The following MGAT4C variants were observed in gnomAD, a reference collection of about 807,000 sequenced individuals.
The protein encoded by MGAT4C is alpha-1,3-mannosyl-glycoprotein 4-beta-N-acetylglucosaminyltransferase C.
In MGAT4C, 19 loss-of-function variants were observed where a neutral mutation model predicts 40.1. That is an observed-to-expected ratio of 0.47 (90% CI 0.33 to 0.70). The LOEUF (loss-of-function observed/expected upper bound fraction) is 0.70. MGAT4C is among the 30% of genes least tolerant of loss of function. The pLI is 0.02. For synonymous variants in MGAT4C, 181 were observed against 187.1 expected (o/e 0.97, Z 0.27); for missense variants, 491 against 563.2 (o/e 0.87, Z 1.30).
At chr12:86,626,198 A>G (rs1030552906) in intron 2 of MGAT4C, among the ~76,000 whole-genome samples, 4 of 152,018 alleles carry the variant, frequency 2.6e-5, no homozygotes, top group Non-Finnish European at 5.9e-5. Flanking sequence ...TGTGAAGAAG[A>G]TTTTTTTTCT....
intron 4 of MGAT4C, among the ~76,000 whole-genome samples, chr12:86,267,467 A>C (rs879719294): frequency 2.0e-5 from 3 of 152,184 alleles, no homozygotes; most frequent in Admixed American, 6.5e-5. Context: ...AAGTGGCACC[A>C]CTTCAAAATT....
At chr12:86,247,828 T>C (rs1445251844) in intron 1 of MGAT4C, among the ~76,000 whole-genome samples, 1 of 152,086 alleles carries the variant, frequency 6.6e-6, no homozygotes, top group East Asian at 1.9e-4. Context: ...ATCCTGTACG[T>C]AATGGAAGGC....
chr12:86,640,550 C>A (rs1008212212), intron 2 of MGAT4C, among the ~76,000 whole-genome samples: 4 of 151,962 alleles, frequency 2.6e-5, no homozygotes, highest in Admixed American at 6.6e-5. Context: ...TTTCAAAAAA[C>A]CAGCTCCTGG....
intron 1 of MGAT4C, among the ~76,000 whole-genome samples, chr12:86,104,198 G>A (rs538779528): frequency 5.3e-5 from 8 of 151,708 alleles, no homozygotes; most frequent in South Asian, 4.2e-4. Context: ...TGAGGTGGGC[G>A]GATTGCTTGA....
chr12:86,612,480 T>A (rs1468205626), intron 2 of MGAT4C, among the ~76,000 whole-genome samples: 7 of 152,064 alleles, frequency 4.6e-5, no homozygotes, highest in African/African-American at 7.2e-5. Flanking sequence ...CCAGGCGCGG[T>A]GGCTCAAGCC....
At chr12:86,559,689 C>T (rs1344968700) in intron 2 of MGAT4C, among the ~76,000 whole-genome samples, 7 of 151,720 alleles carry the variant, frequency 4.6e-5, no homozygotes, top group African/African-American at 1.7e-4. Flanking sequence ...TAAATGCCTA[C>T]ATCAAAAAGG....
chr12:86,415,348 AG>A (rs1956687558), intron 3 of MGAT4C, among the ~76,000 whole-genome samples: 2 of 152,068 alleles, frequency 1.3e-5, no homozygotes, highest in Admixed American at 1.3e-4. Context: ...ATGGTATGCT[AG>A]ACCCTATGTT....
intron 2 of MGAT4C, among the ~76,000 whole-genome samples, chr12:86,689,397 T>A (rs1950134021): frequency 6.6e-6 from 1 of 152,166 alleles, no homozygotes; most frequent in Non-Finnish European, 1.5e-5. Flanking sequence ...GGCGAAGAGT[T>A]GTGATTCTTT....
chr12:86,835,773 A>T (rs1593251951), intron 1 of MGAT4C, among the ~76,000 whole-genome samples: 1 of 152,042 alleles, frequency 6.6e-6, no homozygotes, highest in East Asian at 1.9e-4. Flanking sequence ...AACAGTACTC[A>T]CATGCTCAAT....
At chr12:86,451,871 T>C (rs570788698) in intron 2 of MGAT4C, among the ~76,000 whole-genome samples, 121 of 152,314 alleles carry the variant, frequency 7.9e-4, no homozygotes, top group African/African-American at 2.6e-3. Context: ...ATTTTAATTA[T>C]AGTTCTCTGT....
At chr12:86,188,488 T>A (rs1889020433) in intron 1 of MGAT4C, among the ~76,000 whole-genome samples, 1 of 151,840 alleles carries the variant, frequency 6.6e-6, no homozygotes, top group Admixed American at 6.6e-5. Flanking sequence ...TTTAGATTCT[T>A]AGGCACTATT....
intron 1 of MGAT4C, among the ~76,000 whole-genome samples, chr12:86,156,628 C>T (rs1254603927): frequency 6.6e-6 from 1 of 152,108 alleles, no homozygotes; most frequent in African/African-American, 2.4e-5. Context: ...GCTAAGATTA[C>T]ATTTTTTAAA....
chr12:86,069,028 G>T (rs572489581), intron 1 of MGAT4C, among the ~76,000 whole-genome samples: 2 of 152,150 alleles, frequency 1.3e-5, no homozygotes, highest in Non-Finnish European at 2.9e-5. Flanking sequence ...AAATTGGACT[G>T]GTTTGTCCTC....
At chr12:86,346,569 A>C (rs570583179) in intron 3 of MGAT4C, among the ~76,000 whole-genome samples, 7 of 152,308 alleles carry the variant, frequency 4.6e-5, no homozygotes, top group Non-Finnish European at 1.5e-5. Flanking sequence ...TTGTTTAACT[A>C]TTCACCTGTT....
chr12:86,023,702 T>C (rs1307081203), intron 2 of MGAT4C, among the ~76,000 whole-genome samples: 2 of 151,230 alleles, frequency 1.3e-5, no homozygotes, highest in African/African-American at 4.8e-5. Context: ...CTGTTGTTTG[T>C]AGCCACTTGA....
chr12:86,502,878 T>C (rs1958382411), intron 2 of MGAT4C, among the ~76,000 whole-genome samples: 1 of 87,382 alleles, frequency 1.1e-5, no homozygotes, highest in African/African-American at 5.1e-5. Flanking sequence ...TATATATATA[T>C]ATGAGTTCTG....
At chr12:86,455,933 T>C (rs1012901926) in intron 2 of MGAT4C, among the ~76,000 whole-genome samples, 2 of 151,944 alleles carry the variant, frequency 1.3e-5, no homozygotes. Flanking sequence ...CAGAAAAAAA[T>C]AGAGTATTAC....
At chr12:86,660,475 G>T (rs530798813) in intron 2 of MGAT4C, among the ~76,000 whole-genome samples, 1 of 152,134 alleles carries the variant, frequency 6.6e-6, no homozygotes, top group Non-Finnish European at 1.5e-5. Context: ...CTATATGGAA[G>T]TGTCCTCTGG....
chr12:86,325,307 T>G (rs1269707123), intron 4 of MGAT4C, among the ~76,000 whole-genome samples: 3 of 152,182 alleles, frequency 2.0e-5, no homozygotes, highest in Admixed American at 1.3e-4. Flanking sequence ...AAGTTCTCAT[T>G]AATCATTGTA....
Sources: allele counts gnomAD v4.1 joint callset (sites outside exome capture counted in the v4.1 genomes callset), GRCh38; gene constraint gnomAD v4.1.1; transcripts MANE v1.5; gene names NCBI Gene and HGNC (gene_info 2026-07-23, HGNC 2026-07-21).